Variants in KIAA0825 observed in about 807,000 individuals in gnomAD.
KIAA0825 encodes uncharacterized protein KIAA0825.
KIAA0825 carries 119 observed loss-of-function variants against 147.6 expected under a neutral mutation model. That is an observed-to-expected ratio of 0.81 (90% confidence interval 0.69 to 0.94). The LOEUF (loss-of-function observed/expected upper bound fraction) is 0.94. KIAA0825 is among the 40% of genes least tolerant of loss of function. The probability of loss-of-function intolerance (pLI) is 0.00; values close to 1 mark genes in which losing one functional copy is unlikely to be tolerated. For missense variants in KIAA0825, 1,381 were observed against 1,472.7 expected (o/e 0.94, Z 1.02); for synonymous variants, 470 against 518.1 (o/e 0.91, Z 1.26).
intron 5 of KIAA0825, among the ~76,000 whole-genome samples, chr5:94,499,780 A>C (rs981395152): frequency 6.6e-6 from 1 of 152,206 alleles, no homozygotes; most frequent in East Asian, 1.9e-4. Context: ...AACTCCTGTC[A>C]TATATTAGGC....
intron 20 of KIAA0825, among the ~76,000 whole-genome samples, chr5:94,172,196 GAGAGTAC>G (rs1768685697): frequency 6.6e-6 from 1 of 152,176 alleles, no homozygotes; most frequent in Non-Finnish European, 1.5e-5. Context: ...CTGATGCCCA[GAGAGTAC>G]AGTTTGTCAC....
chr5:94,377,091 A>C (rs1747689287), intron 20 of KIAA0825, among the ~76,000 whole-genome samples: 2 of 152,224 alleles, frequency 1.3e-5, no homozygotes, highest in East Asian at 3.8e-4. Flanking sequence ...TATTATCATT[A>C]AAAGCAAACA....
chr5:94,530,475 A>G (rs1182269248), intron 3 of KIAA0825, among the ~76,000 whole-genome samples: 2 of 151,968 alleles, frequency 1.3e-5, no homozygotes, highest in Non-Finnish European at 2.9e-5. Context: ...AAAGTAGAAA[A>G]TAAAGGCAAC....
At chr5:94,508,303 G>A (rs1436407699) in intron 5 of KIAA0825, among the ~76,000 whole-genome samples, 1 of 152,088 alleles carries the variant, frequency 6.6e-6, no homozygotes, top group Admixed American at 6.6e-5. Context: ...TCTATACACA[G>A]TATGTAAGAT....
chr5:94,246,229 CA>C (rs570729348), intron 20 of KIAA0825, among the ~76,000 whole-genome samples: 56 of 152,162 alleles, frequency 3.7e-4, no homozygotes, highest in Middle Eastern at 3.4e-3. Context: ...AAATATTTTC[CA>C]AAGTGGCAAA....
chr5:94,182,714 A>T (rs1303374579), intron 20 of KIAA0825, among the ~76,000 whole-genome samples: 1 of 152,038 alleles, frequency 6.6e-6, no homozygotes, highest in East Asian at 1.9e-4. Context: ...TTTACTTCTA[A>T]TATTGCATAC....
intron 20 of KIAA0825, among the ~76,000 whole-genome samples, chr5:94,194,605 G>C (rs1390813438): frequency 3.3e-5 from 5 of 152,172 alleles, no homozygotes; most frequent in Admixed American, 6.5e-5. Flanking sequence ...CCACCACCAG[G>C]CCGCAGAGGG....
chr5:94,381,476 T>G (rs139810634), intron 20 of KIAA0825, among the ~76,000 whole-genome samples: 22 of 152,298 alleles, frequency 1.4e-4, no homozygotes, highest in African/African-American at 5.3e-4. Context: ...GAGAATTGCA[T>G]TAGGTATTGA....
At chr5:94,367,591 C>A (rs972015993) in intron 20 of KIAA0825, among the ~76,000 whole-genome samples, 6 of 151,972 alleles carry the variant, frequency 3.9e-5, no homozygotes, top group Non-Finnish European at 7.4e-5. Context: ...GGATTTTTTG[C>A]CACAGTGGAG....
At chr5:94,205,570 C>T (rs911270959) in intron 20 of KIAA0825, among the ~76,000 whole-genome samples, 8 of 152,032 alleles carry the variant, frequency 5.3e-5, no homozygotes, top group Non-Finnish European at 7.4e-5. Context: ...GGATTACAGG[C>T]GTGAGCCACC....
intron 20 of KIAA0825, among the ~76,000 whole-genome samples, chr5:94,171,707 A>G (rs1768631019): frequency 6.6e-6 from 1 of 152,048 alleles, no homozygotes; most frequent in African/African-American, 2.4e-5. Flanking sequence ...TTTAATTAAT[A>G]CCTCCATAAT....
chr5:94,289,193 T>C (rs1173276066), intron 20 of KIAA0825, among the ~76,000 whole-genome samples: 1 of 152,144 alleles, frequency 6.6e-6, no homozygotes, highest in African/African-American at 2.4e-5. Context: ...TTGCTAAAAA[T>C]AATACTACAG....
intron 20 of KIAA0825, among the ~76,000 whole-genome samples, chr5:94,179,215 C>T (rs1478011846): frequency 6.6e-6 from 1 of 152,014 alleles, no homozygotes; most frequent in Non-Finnish European, 1.5e-5. Flanking sequence ...GGACATGTGA[C>T]TCTACACAGT....
intron 20 of KIAA0825, among the ~76,000 whole-genome samples, chr5:94,300,196 C>T (rs372694300): frequency 1.3e-5 from 2 of 152,000 alleles, no homozygotes; most frequent in South Asian, 4.1e-4. Context: ...TAAAAGATGA[C>T]ATGCACTAAG....
At chr5:94,232,123 T>C (rs1483139114) in intron 20 of KIAA0825, among the ~76,000 whole-genome samples, 1 of 152,110 alleles carries the variant, frequency 6.6e-6, no homozygotes, top group Non-Finnish European at 1.5e-5. Context: ...TCATGGCAGC[T>C]ACACAGAATT....
At chr5:94,578,147 G>C (rs898593247) in intron 2 of KIAA0825, among the ~76,000 whole-genome samples, 3 of 152,186 alleles carry the variant, frequency 2.0e-5, no homozygotes, top group Non-Finnish European at 2.9e-5. Context: ...CTTGCCAATA[G>C]ATAGCCAAGA....
Position 94,201,889 on chromosome 5 carries a change from A to G in KIAA0825, c.3711-47765T>C, listed in dbSNP as rs538764058. On this transcript the variant is annotated intron_variant, in intron 20 of 20. Transcript: ENST00000682413. Reference sequence around the variant, plus strand: ...GCAGTGTGGGGGTCAGTGGATAGATAATTACTAAGTGGAAACATCAGGGGT... The same window carrying G: ...GCAGTGTGGGGGTCAGTGGATAGATGATTACTAAGTGGAAACATCAGGGGT... Among the ~76,000 whole-genome samples, 13 of 152,278 alleles carry G rather than the reference A, an allele frequency of 8.5e-5. No homozygotes were observed. The South Asian group carries it at 2.7e-3, about 32-fold the overall frequency.
At chr5:94,586,923 C>T (rs555182891) in intron 1 of KIAA0825, among the ~76,000 whole-genome samples, 2 of 152,292 alleles carry the variant, frequency 1.3e-5, no homozygotes, top group South Asian at 4.1e-4. Context: ...ATCACAGAAA[C>T]AGAACCAATG....
intron 20 of KIAA0825, among the ~76,000 whole-genome samples, chr5:94,380,295 A>G (rs1748217550): frequency 2.0e-5 from 3 of 152,274 alleles, no homozygotes; most frequent in Non-Finnish European, 4.4e-5. Context: ...TCCAGCAAAT[A>G]TTCTTATAAT....
Sources: allele counts gnomAD v4.1 joint callset (sites outside exome capture counted in the v4.1 genomes callset), GRCh38; gene constraint gnomAD v4.1.1; transcripts MANE v1.5; gene names NCBI Gene and HGNC (gene_info 2026-07-23, HGNC 2026-07-21).